Variants in ZNF250 observed in about 807,000 individuals in gnomAD.
The protein encoded by ZNF250 is zinc finger protein (clone 647).
ZNF250 carries 13 observed loss-of-function variants against 37.1 expected under a neutral mutation model. That is an observed-to-expected ratio of 0.35 (90% CI 0.23 to 0.56). The LOEUF (loss-of-function observed/expected upper bound fraction) is 0.56, where lower values mean the gene tolerates loss of function less well. Ranked by LOEUF, ZNF250 falls within the 20% of genes least tolerant of loss-of-function variation. The pLI, the probability that ZNF250 is intolerant of heterozygous loss-of-function variation, is 0.87. For missense variants in ZNF250, 474 were observed against 697.9 expected (o/e 0.68, Z 3.61); for synonymous variants, 251 against 265.6 (o/e 0.94, Z 0.54).
rs547828999 is a variant in ZNF250 at position 144,890,190 on chromosome 8, G to A, written c.42+118C>T. On this transcript the variant is annotated intron_variant, in intron 2 of 5. Transcript: ENST00000417550. This position sits in a 1 kb window ranked among gnomAD's most constrained non-coding sequence, Gnocchi z 5.1. ...TGAGCTGAGGTGGGTGATGGGAAGG[G>A]GCCGCGGAGTTCAGGGCATGTGGTG... The A allele has an allele frequency of 3.3e-6, 5 of 1,506,046 alleles. No individual in the cohort carries two copies. Among genetic ancestry groups the A allele is most frequent in the Admixed American group, 2.0e-5 (1 of 51,154 alleles). The allele number at this position is 1,506,046 out of a possible 1,614,324, so 93.3% of individuals were successfully genotyped here. A position where few individuals can be genotyped will look rare whatever the true frequency, so the allele number is the denominator to read the frequency against.
rs986765043 is a variant in ZNF250 at position 144,881,397 on chromosome 8, C to G, written c.*118G>C. Reference sequence around the variant, plus strand: ...GCTTCTTTCTGGAGTTATTTTGTGACACTGAATCGCCAAAGAAAAGCTTCC... The same window carrying G: ...GCTTCTTTCTGGAGTTATTTTGTGAGACTGAATCGCCAAAGAAAAGCTTCC... On this transcript the variant is annotated 3_prime_UTR_variant, in exon 6 of 6. Transcript: ENST00000417550. 1 of 1,405,536 alleles carries G rather than the reference C, an allele frequency of 7.1e-7. No individual in the cohort carries two copies. Among genetic ancestry groups the G allele is most frequent in the African/African-American group, 1.4e-5 (1 of 69,132 alleles). The allele number at this position is 1,405,536 out of a possible 1,614,324, so 87.1% of individuals were successfully genotyped here.
At chr8:144,883,548 C>T (rs1021169609) in intron 5 of ZNF250, among the ~76,000 whole-genome samples, 15 of 152,080 alleles carry the variant, frequency 9.9e-5, no homozygotes, top group African/African-American at 3.6e-4. Flanking sequence ...TCGTGTCGGC[C>T]AGACTGGTCT....
chr8:144,884,207 A>G (rs1831706814), intron 5 of ZNF250, among the ~76,000 whole-genome samples: 1 of 152,184 alleles, frequency 6.6e-6, no homozygotes, highest in African/African-American at 2.4e-5. Context: ...AGTATATTCC[A>G]TTAAGTTAAA....
Position 144,897,601 on chromosome 8 carries a change from C to A in ZNF250, c.-55+3798G>T, listed in dbSNP as rs1049840559. On this transcript the variant is annotated intron_variant, in intron 1 of 5. Coordinates refer to ENST00000417550, the MANE Select transcript of ZNF250 (RefSeq NM_001109689.4). This position sits in a 1 kb window ranked among gnomAD's most constrained non-coding sequence, Gnocchi z 5.2. ...CTCGGTCGGGGAGACCCTAACCCAG[C>A]GGCGCTAGAGGAATTAAAGACACAC... Among the ~76,000 whole-genome samples the A allele has an allele frequency of 6.6e-6, 1 of 152,212 alleles. No individual in the cohort carries two copies. The highest frequency in any genetic ancestry group is 3.4e-3 in the Middle Eastern group (1 of 294).
rs1554647466 is a variant in ZNF250, at chr8:144,876,995, C to A, written c.*4520G>T. 4 of 152,210 alleles carry A rather than the reference C, an allele frequency of 2.6e-5. No homozygotes were observed. The highest frequency in any genetic ancestry group is 4.4e-5 in the Non-Finnish European group (3 of 68,038). 9.4% of individuals were successfully genotyped at this position (152,210 alleles called of 1,614,324 possible). On this transcript the variant is annotated 3_prime_UTR_variant, in exon 6 of 6. Coordinates refer to ENST00000417550, the MANE Select transcript of ZNF250 (RefSeq NM_001109689.4). ...TTTTATTGGAAAGCGTCAGATTATACACAGAAATTCCAGGCAGACTAAAAT... is the reference window on the plus strand; with the variant it reads ...TTTTATTGGAAAGCGTCAGATTATAAACAGAAATTCCAGGCAGACTAAAAT...
In ZNF250 at chr8:144,880,274, G is replaced by T. The variant is rs556317273; in HGVS notation, c.*1241C>A. 2.4e-4 allele frequency: 76 copies of T among 310,406 alleles called. No homozygotes were observed. Among genetic ancestry groups the T allele is most frequent in the South Asian group, 1.7e-3 (64 of 37,570 alleles). 19.2% of individuals were successfully genotyped at this position (310,406 alleles called of 1,614,324 possible). On this transcript the variant is annotated 3_prime_UTR_variant, in exon 6 of 6. Transcript: ENST00000417550. ...TAGTAAAAAAGAGCTATCTGAATTTGAGAAATGTATGTTTTAAATATATCT... is the reference window on the plus strand; with the variant it reads ...TAGTAAAAAAGAGCTATCTGAATTTTAGAAATGTATGTTTTAAATATATCT...
At chr8:144,883,465 G>A (rs1422768066) in intron 5 of ZNF250, among the ~76,000 whole-genome samples, 1 of 151,708 alleles carries the variant, frequency 6.6e-6, no homozygotes, top group Non-Finnish European at 1.5e-5. Flanking sequence ...TCAGCCTCCT[G>A]AGTAACTGGG....
At chr8:144,898,980 G>A (rs1013786693) in intron 1 of ZNF250, among the ~76,000 whole-genome samples, 4 of 152,110 alleles carry the variant, frequency 2.6e-5, no homozygotes, top group Non-Finnish European at 5.9e-5. Flanking sequence ...GGAATCAACC[G>A]AAATGTACAT....
chr8:144,900,925 C>A (rs979458257), intron 1 of ZNF250, among the ~76,000 whole-genome samples: 11 of 152,206 alleles, frequency 7.2e-5, no homozygotes, highest in African/African-American at 2.7e-4. Context: ...CGCGAGACCC[C>A]GAGGAGCGCG....
Position 144,885,552 on chromosome 8 carries a change from C to G in ZNF250, c.346+1288G>C, listed in dbSNP as rs143160983. 8.5e-5 allele frequency among the ~76,000 whole-genome samples: 13 copies of G among 152,258 alleles called. No homozygotes were observed. In the East Asian group the frequency reaches 2.5e-3, roughly 29 times the overall value. ...TGATCATGGCTTACTGCAACCTCAA[C>G]CTCCTGGGCTCAAGGAATCCTCCTG... On this transcript the variant is annotated intron_variant, in intron 5 of 5. Coordinates refer to ENST00000417550, the MANE Select transcript of ZNF250 (RefSeq NM_001109689.4).
chr8:144,901,942 C>CG (rs1305046820), upstream of ZNF250: 2 of 152,460 alleles, frequency 1.3e-5, no homozygotes, highest in East Asian at 3.9e-4. This position sits in a 1 kb window ranked among gnomAD's most constrained non-coding sequence, Gnocchi z 5.4. Context: ...CCTGGCTGGT[C>CG]CCTGCGCCGC....
chr8:144,882,734 T>G lies in ZNF250; in HGVS notation c.449A>C (p.Asp150Ala), dbSNP rs747992821. 6.2e-7 allele frequency: 1 copy of G among 1,613,948 alleles called. No individual in the cohort carries two copies. Among genetic ancestry groups the G allele is most frequent in the East Asian group, 2.2e-5 (1 of 44,902 alleles). The change falls in exon 6 of 6, where the codon GAT (aspartate) becomes GCT (alanine). Residue 150 changes from aspartate to alanine, a missense_variant. Asp to Ala is a moderately radical substitution (Grantham distance 126). This residue lies in a region of ZNF250 where 192 missense variants were observed against 227.5 expected (regional missense o/e 0.84). Coordinates refer to ENST00000417550, the MANE Select transcript of ZNF250 (RefSeq NM_001109689.4). The surrounding 1 kb of genome is among the most constrained non-coding windows in gnomAD (Gnocchi z 5.5). ...ILGKTPLGRI[D>A]QENNETKQSF... ...TTGCTTTGTTTCATTATTTTCTTGA[T>G]CAATCCTCCCCAAGGGTGTTTTCCC...
chr8:144,886,589 A>T (rs1831898313), intron 5 of ZNF250, among the ~76,000 whole-genome samples: 1 of 152,214 alleles, frequency 6.6e-6, no homozygotes, highest in South Asian at 2.1e-4. Flanking sequence ...AAGGAAACAA[A>T]ATGATTTCAC....
chr8:144,877,532 A>C lies in ZNF250; in HGVS notation c.*3983T>G, dbSNP rs1040249112. 3.9e-5 allele frequency: 6 copies of C among 152,232 alleles called. No homozygotes were observed. The highest frequency in any genetic ancestry group is 7.3e-5 in the Non-Finnish European group (5 of 68,044). The allele number at this position is 152,232 out of a possible 1,614,324, so 9.4% of individuals were successfully genotyped here. Reference sequence around the variant, plus strand: ...GCCCTGGCCTTTGATGTTATATCCCAAAAAGGTAGATAGCCCACATGTTCC... The same window carrying C: ...GCCCTGGCCTTTGATGTTATATCCCCAAAAGGTAGATAGCCCACATGTTCC... On this transcript the variant is annotated 3_prime_UTR_variant, in exon 6 of 6. Coordinates refer to ENST00000417550, the MANE Select transcript of ZNF250 (RefSeq NM_001109689.4).
intron 4 of ZNF250, among the ~76,000 whole-genome samples, chr8:144,888,669 T>C (rs1197781662): frequency 2.0e-5 from 3 of 151,994 alleles, no homozygotes; most frequent in Admixed American, 2.0e-4. Context: ...TAATCAATCA[T>C]TTTCCAGGTT....
At position 144,878,169 on chromosome 8, in the gene ZNF250, G is replaced by A. The variant is rs1318808812; in HGVS notation, c.*3346C>T. Reference sequence around the variant, plus strand: ...GGTACCTGGGTGATCTCTTGGCTCTGAAGTAACACCTCAGTAATCTCAGTT... The same window carrying A: ...GGTACCTGGGTGATCTCTTGGCTCTAAAGTAACACCTCAGTAATCTCAGTT... On this transcript the variant is annotated 3_prime_UTR_variant, in exon 6 of 6. Coordinates refer to ENST00000417550, the MANE Select transcript of ZNF250 (RefSeq NM_001109689.4). 2.6e-5 allele frequency: 4 copies of A among 152,194 alleles called. No homozygotes were observed. The highest frequency in any genetic ancestry group is 9.6e-5 in the African/African-American group (4 of 41,454). The allele number at this position is 152,194 out of a possible 1,614,324, so 9.4% of individuals were successfully genotyped here. A position where few individuals can be genotyped will look rare whatever the true frequency, so the allele number is the denominator to read the frequency against.
At position 144,877,258 on chromosome 8, in the gene ZNF250, T is replaced by A. The variant is rs2129637328; in HGVS notation, c.*4257A>T. 6.6e-6 allele frequency: 1 copy of A among 152,332 alleles called. No individual in the cohort carries two copies. The highest frequency in any genetic ancestry group is 1.9e-4 in the East Asian group (1 of 5,176). 9.4% of individuals were successfully genotyped at this position (152,332 alleles called of 1,614,324 possible). ...CAAGCCACAACACCCAGCTAATTTT[T>A]TTTTTGTAGAGACGGGTTTTCGCCA... On this transcript the variant is annotated 3_prime_UTR_variant, in exon 6 of 6. Transcript: ENST00000417550.
intron 1 of ZNF250, among the ~76,000 whole-genome samples, chr8:144,898,434 A>G (rs140526529): frequency 6.6e-6 from 1 of 152,382 alleles, no homozygotes; most frequent in Admixed American, 6.5e-5. Flanking sequence ...TCTATTCAAC[A>G]AATAGCAACA....
In ZNF250 at chr8:144,891,760, G is replaced by C. The variant is rs372370799; in HGVS notation, c.-54-1357C>G. 1.3e-5 allele frequency among the ~76,000 whole-genome samples: 2 copies of C among 152,202 alleles called. No homozygotes were observed. Among genetic ancestry groups the C allele is most frequent in the African/African-American group, 4.8e-5 (2 of 41,458 alleles). On this transcript the variant is annotated intron_variant, in intron 1 of 5. Transcript: ENST00000417550. The surrounding 1 kb of genome is among the most constrained non-coding windows in gnomAD (Gnocchi z 4.0). ...CCAGCTACTCAGGAGGCTGAGGCAA[G>C]AGAATTGCTTGAACTCAGGAGGTGG...
Sources: gnomAD v4.1 joint callset for allele counts (sites outside exome capture counted in the v4.1 genomes callset) on GRCh38, gnomAD v4.1.1 for gene constraint, gnomAD v4.1.1 regional missense constraint, Gnocchi (gnomAD v3.1) non-coding constraint, MANE v1.5 for transcripts, NCBI Gene and HGNC (gene_info 2026-07-23, HGNC 2026-07-21) for gene names.